LPA: variants seen among roughly 807,000 people sequenced by gnomAD.
LPA encodes the protein lipoprotein(a).
LPA carries 199 observed loss-of-function variants against 197.9 expected under a neutral mutation model. That is an observed-to-expected ratio of 1.01 (90% CI 0.90 to 1.13). The LOEUF is 1.13. Among genes scored for constraint, LPA ranks in the 50% most tolerant of loss-of-function variants. The pLI is 0.00. For missense variants in LPA, 1,853 were observed against 1,785.8 expected, an observed-to-expected ratio of 1.04 and a Z score of -0.68; for synonymous variants, 715 against 639.5, an observed-to-expected ratio of 1.12 and a Z score of -1.78.
intron 36 of LPA, among the ~76,000 whole-genome samples, chr6:160,539,139 C>A (rs1461102467): frequency 6.6e-6 from 1 of 152,156 alleles, no homozygotes; most frequent in African/African-American, 2.4e-5. Flanking sequence ...CAGGCTCCTG[C>A]CTGCCCCATG....
intron 24 of LPA, among the ~76,000 whole-genome samples, chr6:160,587,091 C>T (rs1328833800): frequency 6.6e-6 from 1 of 152,190 alleles, no homozygotes; most frequent in Non-Finnish European, 1.5e-5. Flanking sequence ...AGCAATCCAT[C>T]CACATGATCT....
At chr6:160,582,556 T>C (rs770520113) in intron 26 of LPA, among the ~76,000 whole-genome samples, 1 of 152,134 alleles carries the variant, frequency 6.6e-6, no homozygotes, top group Non-Finnish European at 1.5e-5. Flanking sequence ...CAGTCATTTG[T>C]GTCACTGTTA....
chr6:160,585,130 G>A lies in LPA; in HGVS notation c.4205C>T (p.Thr1402Ile), dbSNP rs1171691783. ...DGQSYRGTLS[T>I]TITGRTCQSW... ...CTGACATGTTCTTCCTGTGATAGTGGTGGAGAGTGTGCCTCGATAACTCTG... is the reference window on the plus strand; with the variant it reads ...CTGACATGTTCTTCCTGTGATAGTGATGGAGAGTGTGCCTCGATAACTCTG... The change falls in exon 26 of 39, where the codon ACC becomes ATC. Residue 1402 changes from threonine (T) to isoleucine (I), a missense_variant. Transcript: ENST00000316300. 2 of 1,613,740 alleles carry A rather than the reference G, an allele frequency of 1.2e-6. No individual in the cohort carries two copies. The highest frequency in any genetic ancestry group is 1.1e-5 in the South Asian group (1 of 91,082).
chr6:160,535,468 GTGGTGA>G (rs1464326180), intron 37 of LPA, among the ~76,000 whole-genome samples: 5 of 151,528 alleles, frequency 3.3e-5, no homozygotes, highest in East Asian at 1.9e-4. Flanking sequence ...GATGATGGTG[GTGGTGA>G]TGGTGATGGT....
At chr6:160,566,839 C>A (rs1191340069) in intron 28 of LPA, among the ~76,000 whole-genome samples, 2 of 152,126 alleles carry the variant, frequency 1.3e-5, no homozygotes, top group Non-Finnish European at 2.9e-5. Flanking sequence ...GCAGGGGTTG[C>A]AATCCTAGTC....
chr6:160,647,648 T>G (rs1175424807), intron 2 of LPA, among the ~76,000 whole-genome samples: 1 of 152,228 alleles, frequency 6.6e-6, no homozygotes, highest in African/African-American at 2.4e-5. Flanking sequence ...GCTCTAGGAT[T>G]TGCAATATCC....
chr6:160,543,975 A>G (rs542502431), intron 33 of LPA, among the ~76,000 whole-genome samples: 7 of 152,286 alleles, frequency 4.6e-5, no homozygotes, highest in African/African-American at 1.7e-4. Flanking sequence ...CTTGTCTTAC[A>G]TCAAAGTAAG....
intron 28 of LPA, among the ~76,000 whole-genome samples, chr6:160,565,989 T>G (rs1441294384): frequency 2.0e-5 from 3 of 150,366 alleles, no homozygotes; most frequent in African/African-American, 7.4e-5. Flanking sequence ...AAAAAAGGAG[T>G]AAAAAGAAAT....
At chr6:160,570,983 T>C (rs983926600) in intron 28 of LPA, among the ~76,000 whole-genome samples, 4 of 152,144 alleles carry the variant, frequency 2.6e-5, no homozygotes, top group Admixed American at 6.5e-5. Context: ...TTGGTTCCAT[T>C]CTCCCATCAC....
rs1488951055 is a variant in LPA at position 160,594,135 on chromosome 6, G to T, written c.3470-18C>A. Reference sequence around the variant, plus strand: ...CGTTGGTGCTGAAATTCAAAGAGGAGAAATCAAGCTGAGTAATTTCTAGAA... The same window carrying T: ...CGTTGGTGCTGAAATTCAAAGAGGATAAATCAAGCTGAGTAATTTCTAGAA... On this transcript the variant is annotated intron_variant, in intron 21 of 38. Transcript: ENST00000316300. The T allele has an allele frequency of 3.1e-6, 5 of 1,613,546 alleles. No homozygotes were observed. The African/African-American group carries it at 6.7e-5, about 22-fold the overall frequency.
At position 160,576,364 on chromosome 6, in the gene LPA, A is replaced by ACATATATATATGTGTATG. The variant is rs1554234338; in HGVS notation, c.4631+771_4631+772insCATACACATATATATATG. On this transcript the variant is annotated intron_variant, in intron 28 of 38. Transcript: ENST00000316300. ...TGTATATATATATATATATATATAT[A>ACATATATATATGTGTATG]TACATATATATATATATATATATAT... Among the ~76,000 whole-genome samples the ACATATATATATGTGTATG allele has an allele frequency of 2.8e-4, 6 of 21,164 alleles. No homozygotes were observed. In the Admixed American group the frequency reaches 4.6e-3, roughly 16 times the overall value. 13.9% of individuals were successfully genotyped at this position (21,164 alleles called of 152,430 possible). A position where few individuals can be genotyped will look rare whatever the true frequency, so the allele number is the denominator to read the frequency against.
rs762542305 is a variant in LPA, at chr6:160,578,513, A to C, written c.4471+10T>G. On this transcript the variant is annotated intron_variant, in intron 27 of 38. Transcript: ENST00000316300. ...CCCAGTATATAGATGTCTAACCACA[A>C]ATTTCTTACCTTGTTCAGAAGGAGC... 3.1e-6 allele frequency: 5 copies of C among 1,613,570 alleles called. No homozygotes were observed. In the African/African-American group the frequency reaches 6.7e-5, roughly 22 times the overall value.
At position 160,646,219 on chromosome 6, in the gene LPA, T is replaced by TAAAAAA; in HGVS notation, c.385_386insTTTTTT (p.Glu129delinsValPheTer). On this transcript the variant is annotated stop_gained and protein_altering_variant, in exon 3 of 39. Coordinates refer to ENST00000316300, the MANE Select transcript of LPA (RefSeq NM_005577.4). LOFTEE classifies it high-confidence loss of function. ...TCTGGCCACAGACTCCTTACCTTGT[T>TAAAAAA]CGGAAGGAGCCTCTAGGCTTGGAAC... 1 of 6,542 alleles carries TAAAAAA rather than the reference T, an allele frequency of 1.5e-4. No individual in the cohort carries two copies. The highest frequency in any genetic ancestry group is 1.2e-3 in the South Asian group (1 of 828). 0.4% of individuals were successfully genotyped at this position (6,542 alleles called of 1,614,324 possible).
Position 160,540,037 on chromosome 6 carries a change from G to T in LPA, c.5735+6C>A. ...CGTGGGGTGAAGACCACAGGTGAGC[G>T]AGTACCTGCTTAGCTTTAGCAAGGC... On this transcript the variant is annotated splice_donor_region_variant and intron_variant, in intron 36 of 38. Coordinates refer to ENST00000316300, the MANE Select transcript of LPA (RefSeq NM_005577.4). 1 of 1,614,078 alleles carries T rather than the reference G, an allele frequency of 6.2e-7. No individual in the cohort carries two copies.
chr6:160,587,406 T>C (rs925111657), intron 24 of LPA, among the ~76,000 whole-genome samples: 49 of 152,324 alleles, frequency 3.2e-4, no homozygotes, highest in Middle Eastern at 3.4e-3. Flanking sequence ...TTTCCTTGCC[T>C]AGATATTTAA....
At chr6:160,564,198 G>C (rs1232696738) in intron 28 of LPA, among the ~76,000 whole-genome samples, 1 of 152,182 alleles carries the variant, frequency 6.6e-6, no homozygotes, top group South Asian at 2.1e-4. Context: ...TGCAGTAGCT[G>C]TTACTGGTTT....
intron 31 of LPA, 133 bp from the exon 32 acceptor site, chr6:160,548,070 G>A: frequency 1.2e-6 from 1 of 837,192 alleles, no homozygotes. Context: ...ACATCCCTCA[G>A]GAGCCACAAC....
intron 1 of LPA, among the ~76,000 whole-genome samples, chr6:160,662,672 G>T (rs748960407): frequency 6.6e-6 from 1 of 152,164 alleles, no homozygotes; most frequent in Non-Finnish European, 1.5e-5. Context: ...CACAGACATA[G>T]ACACCAATTT....
chr6:160,581,018 A>T (rs1778784754), intron 26 of LPA, among the ~76,000 whole-genome samples: 1 of 151,428 alleles, frequency 6.6e-6, no homozygotes, highest in Admixed American at 6.6e-5. Flanking sequence ...ACTTTTTCAT[A>T]GCAGTCTTAT....
Sources: gnomAD v4.1 joint callset for allele counts (sites outside exome capture counted in the v4.1 genomes callset) on GRCh38, gnomAD v4.1.1 for gene constraint, MANE v1.5 for transcripts, NCBI Gene and HGNC (gene_info 2026-07-23, HGNC 2026-07-21) for gene names.